The following OTOF variants were observed in gnomAD, a reference collection of about 807,000 sequenced individuals.
The protein encoded by OTOF is fer-1-like family member 2.
Under a neutral mutation model 236.8 loss-of-function variants are expected in OTOF, and 218 were observed. The ratio of observed to expected loss-of-function variants is 0.92; its 90% CI spans 0.82 to 1.03. The LOEUF (loss-of-function observed/expected upper bound fraction) is 1.03. Ranked by LOEUF, OTOF falls within the 50% of genes least tolerant of loss-of-function variation. The pLI, the probability that OTOF is intolerant of heterozygous loss-of-function variation, is 0.00. For synonymous variants in OTOF, 1,041 were observed against 1,072.5 expected (o/e 0.97, Z 0.57); for missense variants, 2,590 against 2,694.4 (o/e 0.96, Z 0.86).
Position 26,467,477 on chromosome 2 carries a change from T to A in OTOF, c.4115A>T (p.Lys1372Met). 6.2e-7 allele frequency: 1 copy of A among 1,613,978 alleles called. No individual in the cohort carries two copies. The highest frequency in any genetic ancestry group is 8.5e-7 in the Non-Finnish European group (1 of 1,179,976). Residue 1372 changes from lysine (K) to methionine (M), a missense_variant, in exon 34 of 47, where the codon AAG becomes ATG. Lys to Met is a moderately conservative substitution (Grantham distance 95). Around this residue, in one of 2 missense-constraint regions of OTOF, gnomAD observed 1,211 missense variants for 1,352.8 expected, o/e 0.90. Coordinates refer to ENST00000272371, the MANE Select transcript of OTOF (RefSeq NM_194248.3). ...CTCTTTGGCAGCCCTTGCCTTCTCC[T>A]TGCCCTTCATTGACCCCTTCAGGCC... ...TEGLKGSMKG[K>M]EKARAAKEEK...
At position 26,483,556 on chromosome 2, in the gene OTOF, T is replaced by A. The variant is rs574094734; in HGVS notation, c.1298A>T (p.Asn433Ile). ...IYRAEGLPRM[N>I]TSLMANVKKA... ...CTTTACATTGGCCATGAGGCTTGTG[T>A]TCATACGGGGCAGCCCCTCTGCTCG... The change falls in exon 13 of 47, where the codon AAC becomes ATC. Residue 433 changes from asparagine (N) to isoleucine (I), a missense_variant. Asn to Ile is a moderately radical substitution (Grantham distance 149). This residue lies in a region of OTOF where 1,379 missense variants were observed against 1,341.6 expected (regional missense o/e 1.03). Transcript: ENST00000272371. The A allele has an allele frequency of 1.2e-6, 2 of 1,614,016 alleles. No homozygotes were observed. The highest frequency in any genetic ancestry group is 1.7e-6 in the Non-Finnish European group (2 of 1,180,030).
Position 26,471,115 on chromosome 2 carries a change from A to G in OTOF, c.3894+6T>C. On this transcript the variant is annotated splice_donor_region_variant and intron_variant, in intron 31 of 46. Coordinates refer to ENST00000272371, the MANE Select transcript of OTOF (RefSeq NM_194248.3). ...CCCAGAGCCCCTGCATGGCCCCCAC[A>G]CTCACCACATCCACCTTGACAACAG... 6.2e-7 allele frequency: 1 copy of G among 1,613,880 alleles called. No individual in the cohort carries two copies. Among genetic ancestry groups the G allele is most frequent in the African/African-American group, 1.3e-5 (1 of 74,952 alleles).
At position 26,502,286 on chromosome 2, in the gene OTOF, T is replaced by TC. The variant is rs1375006227; in HGVS notation, c.710+13dup. 4.3e-6 allele frequency: 7 copies of TC among 1,613,860 alleles called. No individual in the cohort carries two copies. The highest frequency in any genetic ancestry group is 1.3e-5 in the African/African-American group (1 of 75,016). On this transcript the variant is annotated intron_variant, in intron 7 of 46. Coordinates refer to ENST00000272371, the MANE Select transcript of OTOF (RefSeq NM_194248.3). ...GTGGGGGCAGCTGGGGTTGCAGGGC[T>TC]CCCGTCCACTCACCGCTTGTTGGAG...
rs193272127 is a variant in OTOF at position 26,525,999 on chromosome 2, A to G, written c.227+1833T>C. ...CTACTCAGGAGGCTGATACAGGATA[A>G]TTGCTTGAACCAGAGAGGCGGAGGT... On this transcript the variant is annotated intron_variant, in intron 3 of 46. Transcript: ENST00000272371. Among the ~76,000 whole-genome samples the G allele has an allele frequency of 1.6e-3, 239 of 148,254 alleles. 4 individuals are homozygous for G. Among genetic ancestry groups the G allele is most frequent in the Admixed American group, 0.016 (232 of 14,794 alleles).
Position 26,519,182 on chromosome 2 carries a change from G to T in OTOF, c.228-73C>A, listed in dbSNP as rs1267771102. On this transcript the variant is annotated intron_variant, in intron 3 of 46. Coordinates refer to ENST00000272371, the MANE Select transcript of OTOF (RefSeq NM_194248.3). ...TGAGGAGCAAGACTGACATCCCAAG[G>T]GCTGTGACTGCTTGGGGAGGACTCA... The T allele has an allele frequency of 1.2e-5, 12 of 1,010,314 alleles. No individual in the cohort carries two copies. The African/African-American group carries it at 1.5e-4, about 13-fold the overall frequency. The allele number at this position is 1,010,314 out of a possible 1,614,324, so 62.6% of individuals were successfully genotyped here.
chr2:26,528,987 G>T (rs938997148), intron 2 of OTOF, among the ~76,000 whole-genome samples: 1 of 152,214 alleles, frequency 6.6e-6, no homozygotes, highest in Non-Finnish European at 1.5e-5. Flanking sequence ...GCCACTGTTG[G>T]CTGTGGCAAG....
intron 9 of OTOF, among the ~76,000 whole-genome samples, chr2:26,493,177 C>CG (rs1167359545): frequency 6.6e-6 from 1 of 152,052 alleles, no homozygotes; most frequent in African/African-American, 2.4e-5. Context: ...TTGTCCAGCT[C>CG]GGGGGGCCTG....
At chr2:26,555,024 C>A (rs964928810) in intron 1 of OTOF, among the ~76,000 whole-genome samples, 2 of 152,192 alleles carry the variant, frequency 1.3e-5, no homozygotes, top group East Asian at 3.9e-4. Context: ...GGTCCCCCAG[C>A]CTTGGTGCTC....
chr2:26,538,622 T>A (rs11126559), intron 1 of OTOF, among the ~76,000 whole-genome samples: 98,726 of 152,014 alleles, frequency 0.65, 36,190 homozygotes, highest in East Asian at 0.97. Flanking sequence ...GGGGGCTCCA[T>A]CGTGTGGGAA....
At position 26,476,210 on chromosome 2, in the gene OTOF, G is replaced by T; in HGVS notation, c.2784C>A (p.Gly928=). The change falls in exon 23 of 47, where the codon GGC becomes GGA. Residue 928 remains glycine, a synonymous_variant. Transcript: ENST00000272371. ...TGACCTCCTGGAAGCCACAGGGCAGGCCGCACAGGAACTCCTTGCGCTGTT... is the reference window on the plus strand; with the variant it reads ...TGACCTCCTGGAAGCCACAGGGCAGTCCGCACAGGAACTCCTTGCGCTGTT... ...LSKQRKEFLC[G]LPCGFQEVKA... is the part of the protein sequence containing the mutation. The T allele has an allele frequency of 6.2e-7, 1 of 1,610,068 alleles. No individual in the cohort carries two copies. The highest frequency in any genetic ancestry group is 8.5e-7 in the Non-Finnish European group (1 of 1,179,852).
chr2:26,531,108 C>T (rs1433222476), intron 2 of OTOF, among the ~76,000 whole-genome samples: 1 of 152,228 alleles, frequency 6.6e-6, no homozygotes, highest in East Asian at 1.9e-4. Context: ...CCAGAGGCCC[C>T]CTTGCTGTGC....
intron 11 of OTOF, among the ~76,000 whole-genome samples, chr2:26,485,702 C>T (rs1225833180): frequency 1.3e-5 from 2 of 152,238 alleles, no homozygotes; most frequent in African/African-American, 2.4e-5. Context: ...CCACCTTCTA[C>T]CGTAGCCCAG....
chr2:26,549,779 A>C (rs1667415372), intron 1 of OTOF, among the ~76,000 whole-genome samples: 1 of 152,096 alleles, frequency 6.6e-6, no homozygotes, highest in African/African-American at 2.4e-5. Context: ...GTCCTCACTC[A>C]AACTCTGACT....
chr2:26,483,030 TGTGA>T (rs1276126296), intron 13 of OTOF, among the ~76,000 whole-genome samples: 11 of 147,532 alleles, frequency 7.5e-5, no homozygotes, highest in Non-Finnish European at 1.3e-4. Flanking sequence ...TGTGTGCGTG[TGTGA>T]GTGGGTGCAT....
rs757857070 is a variant in OTOF, at chr2:26,527,880, T to C, written c.179A>G (p.Glu60Gly). The change falls in exon 3 of 47, where the codon GAG (glutamate) becomes GGG (glycine). Residue 60 changes from glutamate (E) to glycine (G), a missense_variant. Physicochemically the swap from Glu to Gly is moderately conservative, Grantham distance 98. Coordinates refer to ENST00000272371, the MANE Select transcript of OTOF (RefSeq NM_194248.3). The stretch of plus-strand genomic sequence containing the variant: ...GTTGAAAACCTGAATCTCCAGCATC[T>C]CATTTCTGTCGATGCTGCTGGCCAC... ...WPVASSIDRNEMLEIQVFNYS... is the reference protein window; with the variant it reads ...WPVASSIDRNGMLEIQVFNYS... The C allele has an allele frequency of 6.2e-7, 1 of 1,614,070 alleles. No homozygotes were observed. The highest frequency in any genetic ancestry group is 2.2e-5 in the East Asian group (1 of 44,872).
chr2:26,549,082 T>C (rs113509488), intron 1 of OTOF, among the ~76,000 whole-genome samples: 39 of 152,364 alleles, frequency 2.6e-4, no homozygotes, highest in African/African-American at 9.1e-4. Context: ...TAATATGTTG[T>C]ATTTTCATTA....
chr2:26,473,913 G>A lies in OTOF; in HGVS notation c.3408+78C>T, dbSNP rs976291030. On this transcript the variant is annotated intron_variant, in intron 27 of 46. Coordinates refer to ENST00000272371, the MANE Select transcript of OTOF (RefSeq NM_194248.3). The surrounding 1 kb of genome is among the most constrained non-coding windows in gnomAD (Gnocchi z 7.2). ...TGGCTCCTGGTGATGGTGGTGGGAG[G>A]GGGATGACAAGCCACTTCCCCTCCT... is the stretch of plus-strand genomic sequence containing the variant. 6.3e-7 allele frequency: 1 copy of A among 1,576,980 alleles called. No individual in the cohort carries two copies. The highest frequency in any genetic ancestry group is 1.3e-5 in the African/African-American group (1 of 74,156).
At chr2:26,458,519 C>T (rs554863746) in intron 46 of OTOF, among the ~76,000 whole-genome samples, 27 of 152,348 alleles carry the variant, frequency 1.8e-4, no homozygotes, top group African/African-American at 6.3e-4. Context: ...GAAGCTCCTG[C>T]GGTTAGCTCG....
chr2:26,485,394 C>T (rs1665676438), intron 11 of OTOF, among the ~76,000 whole-genome samples: 1 of 152,204 alleles, frequency 6.6e-6, no homozygotes, highest in Admixed American at 6.5e-5. Context: ...TGCACACCTC[C>T]CATCTCACTG....
Sources: allele counts gnomAD v4.1 joint callset (sites outside exome capture counted in the v4.1 genomes callset), GRCh38; gene constraint gnomAD v4.1.1; regional missense constraint gnomAD v4.1.1; non-coding constraint Gnocchi (gnomAD v3.1); transcripts MANE v1.5; gene names NCBI Gene and HGNC (gene_info 2026-07-23, HGNC 2026-07-21).